MTHFD2L: variants seen among roughly 807,000 people sequenced by gnomAD.
The protein encoded by MTHFD2L is methylenetetrahydrofolate dehydrogenase (NADP+ dependent) 2 like.
MTHFD2L carries 29 observed loss-of-function variants against 34.9 expected under a neutral mutation model. That is an observed-to-expected ratio of 0.83 (90% CI 0.62 to 1.13). The LOEUF (loss-of-function observed/expected upper bound fraction) is 1.13. Ranked by LOEUF, MTHFD2L falls within the 50% of genes most tolerant of loss-of-function variation. MTHFD2L has a pLI of 0.00. For missense variants in MTHFD2L, 481 were observed against 446.5 expected, an observed-to-expected ratio of 1.08 and a Z score of -0.70; for synonymous variants, 167 against 155.7, an observed-to-expected ratio of 1.07 and a Z score of -0.54.
intron 7 of MTHFD2L, among the ~76,000 whole-genome samples, chr4:74,296,586 G>A (rs921283620): frequency 1.2e-4 from 18 of 152,050 alleles, no homozygotes; most frequent in Non-Finnish European, 2.2e-4. Flanking sequence ...TGAGGCCATC[G>A]TGTAAAGTAG....
chr4:74,145,590 T>C (rs1723548726), intron 1 of MTHFD2L, among the ~76,000 whole-genome samples: 1 of 152,160 alleles, frequency 6.6e-6, no homozygotes, highest in Non-Finnish European at 1.5e-5. Flanking sequence ...AACAATATAT[T>C]GACATTTGGA....
intron 6 of MTHFD2L, among the ~76,000 whole-genome samples, chr4:74,244,930 C>T (rs968847586): frequency 1.3e-5 from 2 of 152,018 alleles, no homozygotes; most frequent in Non-Finnish European, 2.9e-5. Flanking sequence ...TGCAGTGGCT[C>T]GCGGCTATAA....
At chr4:74,254,723 A>G (rs530863681) in intron 6 of MTHFD2L, among the ~76,000 whole-genome samples, 74 of 152,292 alleles carry the variant, frequency 4.9e-4, no homozygotes, top group African/African-American at 1.7e-3. Context: ...TGAAGGTAAG[A>G]ATATAGTCAA....
chr4:74,163,732 TG>T (rs1162948473), intron 1 of MTHFD2L, among the ~76,000 whole-genome samples: 1 of 152,182 alleles, frequency 6.6e-6, no homozygotes, highest in African/African-American at 2.4e-5. Context: ...GCCCTGTTTT[TG>T]GGGGGTTTCA....
At chr4:74,275,189 A>G (rs990422924) in intron 6 of MTHFD2L, among the ~76,000 whole-genome samples, 1 of 152,188 alleles carries the variant, frequency 6.6e-6, no homozygotes, top group African/African-American at 2.4e-5. Flanking sequence ...GAATGAGAAC[A>G]TGCGGTGTTT....
chr4:74,157,746 C>T (rs945377867), upstream of MTHFD2L: 8 of 471,664 alleles, frequency 1.7e-5, no homozygotes, highest in Non-Finnish European at 3.4e-5. Flanking sequence ...GTCACGGAGA[C>T]TGTTGGGCAG....
intron 1 of MTHFD2L, among the ~76,000 whole-genome samples, chr4:74,136,636 T>G (rs557182451): frequency 6.6e-6 from 1 of 152,156 alleles, no homozygotes; most frequent in Admixed American, 6.5e-5. Context: ...CTGAAATTCA[T>G]ATGGAACTGC....
At chr4:74,157,606 T>C (rs756645470), upstream of MTHFD2L, 7 of 454,782 alleles carry the variant, frequency 1.5e-5, no homozygotes, top group South Asian at 1.1e-4. Flanking sequence ...CAGACCTTCC[T>C]TGTTCAGCCA....
intron 3 of MTHFD2L, among the ~76,000 whole-genome samples, chr4:74,197,947 T>C (rs1733768997): frequency 6.6e-6 from 1 of 152,174 alleles, no homozygotes; most frequent in African/African-American, 2.4e-5. Flanking sequence ...AAATGATAAA[T>C]GAATTGGTTT....
chr4:74,277,741 T>C (rs899319201), intron 6 of MTHFD2L, among the ~76,000 whole-genome samples: 8 of 152,110 alleles, frequency 5.3e-5, no homozygotes, highest in Admixed American at 4.6e-4. Flanking sequence ...TGATTTGCAG[T>C]TTAACATATT....
chr4:74,276,247 C>T (rs1252764651), intron 6 of MTHFD2L, among the ~76,000 whole-genome samples: 4 of 152,048 alleles, frequency 2.6e-5, no homozygotes, highest in Non-Finnish European at 5.9e-5. Context: ...TAAGTTCATG[C>T]GACAAAATCA....
intron 6 of MTHFD2L, among the ~76,000 whole-genome samples, chr4:74,263,213 G>A (rs533832441): frequency 2.6e-5 from 4 of 151,830 alleles, no homozygotes; most frequent in Admixed American, 1.3e-4. Context: ...CCAGTACCAC[G>A]TTGTTTTGGT....
At chr4:74,180,206 GC>G (rs1729858614) in intron 3 of MTHFD2L, among the ~76,000 whole-genome samples, 2 of 152,092 alleles carry the variant, frequency 1.3e-5, no homozygotes, top group African/African-American at 4.8e-5. Flanking sequence ...GATATGTCCA[GC>G]AAGGGCTGGA....
chr4:74,180,881 T>C, intron 3 of MTHFD2L: 1 of 196,872 alleles, frequency 5.1e-6, no homozygotes, highest in Middle Eastern at 4.9e-4. Context: ...GAAAGGGGTC[T>C]GTTATTTATG....
upstream of MTHFD2L, among the ~76,000 whole-genome samples, chr4:74,125,133 G>C (rs1216647033): frequency 2.6e-5 from 4 of 152,146 alleles, no homozygotes; most frequent in African/African-American, 9.7e-5. Flanking sequence ...AGAAGCACAA[G>C]AAAGTTTCGA....
intron 6 of MTHFD2L, among the ~76,000 whole-genome samples, chr4:74,272,810 A>G (rs1421994916): frequency 6.6e-6 from 1 of 152,174 alleles, no homozygotes; most frequent in Non-Finnish European, 1.5e-5. Flanking sequence ...ATGAGCAGAA[A>G]GTGAGGCTTC....
At chr4:74,215,205 G>T (rs1387624269) in intron 5 of MTHFD2L, among the ~76,000 whole-genome samples, 2 of 151,682 alleles carry the variant, frequency 1.3e-5, no homozygotes, top group African/African-American at 4.9e-5. Flanking sequence ...AGAGTGAACG[G>T]TTCTGTCTCA....
At chr4:74,239,892 CT>C (rs758699732) in intron 6 of MTHFD2L, among the ~76,000 whole-genome samples, 2 of 152,158 alleles carry the variant, frequency 1.3e-5, no homozygotes, top group Non-Finnish European at 2.9e-5. Flanking sequence ...TTCCTTGTCT[CT>C]GTAAAATACA....
chr4:74,216,339 G>A (rs1737207282), intron 5 of MTHFD2L, among the ~76,000 whole-genome samples: 1 of 151,722 alleles, frequency 6.6e-6, no homozygotes, highest in Non-Finnish European at 1.5e-5. Flanking sequence ...TTTAAAAATA[G>A]AGCTACCTAT....
Sources: gnomAD v4.1 joint callset for allele counts (sites outside exome capture counted in the v4.1 genomes callset) on GRCh38, gnomAD v4.1.1 for gene constraint, MANE v1.5 for transcripts, NCBI Gene and HGNC (gene_info 2026-07-23, HGNC 2026-07-21) for gene names.